Variants in RARB observed in about 807,000 individuals in gnomAD.
RARB encodes retinoic acid receptor beta, also known as HBV-activated protein.
In RARB, 17 loss-of-function variants were observed where a neutral mutation model predicts 51.9. That is an observed-to-expected ratio of 0.33 (90% CI 0.22 to 0.49). RARB has a LOEUF of 0.49. Among genes scored for constraint, RARB ranks in the 20% least tolerant of loss-of-function variants. The pLI, the probability that RARB is intolerant of heterozygous loss-of-function variation, is 0.99. For synonymous variants in RARB, 215 were observed against 195.4 expected, an observed-to-expected ratio of 1.10 and a Z score of -0.84; for missense variants, 369 against 550.8, an observed-to-expected ratio of 0.67 and a Z score of 3.30.
chr3:24,829,381 A>C lies in RARB; in HGVS notation c.-481A>C, dbSNP rs547571084. Among the ~76,000 whole-genome samples the C allele has an allele frequency of 2.0e-3, 301 of 152,016 alleles. 4 individuals carry two copies. Among genetic ancestry groups the C allele is most frequent in the African/African-American group, 6.8e-3 (281 of 41,494 alleles). On this transcript the variant is annotated 5_prime_UTR_variant, in exon 1 of 12. Transcript: ENST00000383772. ...ACAGCCAGCGGGCGGCGCGCCGCGG[A>C]CTCCAAGGCAGCCCGCCAAAAGGTA... is the stretch of plus-strand genomic sequence containing the variant.
rs984911830 is a variant in RARB, at chr3:24,881,521, A to C, written c.-380+22769A>C. Reference sequence around the variant, plus strand: ...GTACTTAGTAAATTGATTTGTTTGCATATTACGACATTTCAAATCTCTTGG... The same window carrying C: ...GTACTTAGTAAATTGATTTGTTTGCCTATTACGACATTTCAAATCTCTTGG... On this transcript the variant is annotated intron_variant, in intron 2 of 11. Transcript: ENST00000383772. Among the ~76,000 whole-genome samples the C allele has an allele frequency of 1.1e-4, 16 of 152,322 alleles. No homozygotes were observed. The Middle Eastern group carries it at 0.017, about 162-fold the overall frequency.
intron 2 of RARB, among the ~76,000 whole-genome samples, chr3:24,976,747 A>G (rs1696521929): frequency 6.6e-6 from 1 of 152,190 alleles, no homozygotes; most frequent in Non-Finnish European, 1.5e-5. Flanking sequence ...TTTGCTGTGC[A>G]GAAGCTCTTT....
chr3:25,035,675 A>G (rs527417919), intron 2 of RARB, among the ~76,000 whole-genome samples: 1 of 152,252 alleles, frequency 6.6e-6, no homozygotes, highest in African/African-American at 2.4e-5. Flanking sequence ...GATAGTAAAT[A>G]ATTTAGTTTC....
chr3:25,132,289 T>C (rs1288521082), intron 4 of RARB, among the ~76,000 whole-genome samples: 1 of 151,866 alleles, frequency 6.6e-6, no homozygotes, highest in East Asian at 1.9e-4. Context: ...ATTATAATTA[T>C]AAATAATAAT....
At chr3:24,957,401 T>C (rs1400271617) in intron 2 of RARB, among the ~76,000 whole-genome samples, 1 of 152,180 alleles carries the variant, frequency 6.6e-6, no homozygotes, top group Non-Finnish European at 1.5e-5. Context: ...CTTGGAACCC[T>C]AGCTGACGAC....
chr3:25,176,476 A>G (rs1020708304), intron 5 of RARB, among the ~76,000 whole-genome samples: 6 of 148,698 alleles, frequency 4.0e-5, no homozygotes, highest in African/African-American at 1.5e-4. Context: ...ACTCACTGCA[A>G]CCTCCACCTC....
Position 25,513,582 on chromosome 3 carries a change from A to G in RARB, c.448+12259A>G, listed in dbSNP as rs372311917. Among the ~76,000 whole-genome samples the G allele has an allele frequency of 7.7e-4, 117 of 152,004 alleles. 1 individual carries two copies. The highest frequency in any genetic ancestry group is 3.4e-3 in the Middle Eastern group (1 of 294). ...ACCCCTTTCATGACATGACATCCCA[A>G]TGCTGTTTTTTCCATGGTGGATGTA... On this transcript the variant is annotated intron_variant, in intron 3 of 7. Transcript: ENST00000330688.
intron 5 of RARB, among the ~76,000 whole-genome samples, chr3:25,202,979 C>G (rs564640222): frequency 1.3e-5 from 2 of 152,232 alleles, no homozygotes; most frequent in East Asian, 3.9e-4. Flanking sequence ...AGTTCAGTTC[C>G]TGGATATCCT....
intron 3 of RARB, among the ~76,000 whole-genome samples, chr3:25,548,675 C>A (rs1699723079): frequency 6.8e-6 from 1 of 147,886 alleles, no homozygotes; most frequent in Non-Finnish European, 1.5e-5. Flanking sequence ...TTTTGAGAGG[C>A]AGCAAGTTTT....
At chr3:25,547,099 G>A (rs762275246) in intron 3 of RARB, among the ~76,000 whole-genome samples, 2 of 152,168 alleles carry the variant, frequency 1.3e-5, no homozygotes, top group Non-Finnish European at 2.9e-5. Flanking sequence ...TCCTCCAAGG[G>A]CAGAGCCTGC....
chr3:25,351,251 TTTTC>T (rs1180386160), intron 5 of RARB, among the ~76,000 whole-genome samples: 3 of 152,170 alleles, frequency 2.0e-5, no homozygotes, highest in South Asian at 2.1e-4. Context: ...CTTGCTTTCT[TTTTC>T]TTTCTTTCTT....
chr3:25,543,247 T>A (rs539392973), intron 3 of RARB, among the ~76,000 whole-genome samples: 1 of 152,266 alleles, frequency 6.6e-6, no homozygotes, highest in South Asian at 2.1e-4. Context: ...TCTGAACAGA[T>A]AAAAGACTTG....
At chr3:25,520,374 T>C (rs1037346363) in intron 3 of RARB, among the ~76,000 whole-genome samples, 1 of 152,208 alleles carries the variant, frequency 6.6e-6, no homozygotes, top group Non-Finnish European at 1.5e-5. Flanking sequence ...AGTAGGGACC[T>C]TCTGATTTCA....
At chr3:25,244,957 T>C (rs2125398275) in intron 5 of RARB, among the ~76,000 whole-genome samples, 1 of 152,318 alleles carries the variant, frequency 6.6e-6, no homozygotes, top group Admixed American at 6.5e-5. Context: ...TTTGTAGATC[T>C]CTAAGAACTT....
intron 5 of RARB, among the ~76,000 whole-genome samples, chr3:25,255,090 T>C (rs1428709795): frequency 6.6e-6 from 1 of 152,148 alleles, no homozygotes; most frequent in Non-Finnish European, 1.5e-5. Flanking sequence ...CAGTTTAAAT[T>C]TGGATTTGGC....
chr3:25,040,297 C>G (rs1399769341), intron 2 of RARB, among the ~76,000 whole-genome samples: 2 of 152,192 alleles, frequency 1.3e-5, no homozygotes, highest in Admixed American at 6.5e-5. Flanking sequence ...GCCATTCTTT[C>G]AACAAGCTTG....
At chr3:25,440,672 C>G (rs1708632519) in intron 1 of RARB, among the ~76,000 whole-genome samples, 1 of 151,796 alleles carries the variant, frequency 6.6e-6, no homozygotes, top group African/African-American at 2.4e-5. Context: ...GCTCAGGAGG[C>G]TGAGGCAGGA....
rs946491790 is a variant in RARB at position 25,245,825 on chromosome 3, T to C, written c.178+71250T>C. 2.0e-5 allele frequency among the ~76,000 whole-genome samples: 3 copies of C among 152,162 alleles called. No individual in the cohort carries two copies. The East Asian group carries it at 5.8e-4, about 29-fold the overall frequency. The stretch of plus-strand genomic sequence containing the variant: ...AGGAGATACTCTTGAGGAGTATCTT[T>C]ATGGTGTTCTCTGTATTTCCTGAAT... On this transcript the variant is annotated intron_variant, in intron 5 of 11. Coordinates refer to the RARB transcript ENST00000383772.
intron 5 of RARB, among the ~76,000 whole-genome samples, chr3:25,183,127 G>GA (rs1393954306): frequency 6.6e-6 from 1 of 152,028 alleles, no homozygotes; most frequent in Non-Finnish European, 1.5e-5. Flanking sequence ...TACCGAAAAA[G>GA]AAAAAACTAT....
Sources: gnomAD v4.1 joint callset for allele counts (sites outside exome capture counted in the v4.1 genomes callset) on GRCh38, gnomAD v4.1.1 for gene constraint, MANE v1.5 for transcripts, NCBI Gene and HGNC (gene_info 2026-07-23, HGNC 2026-07-21) for gene names.